The following SYNE1 variants were observed in gnomAD, a reference collection of about 807,000 sequenced individuals.
The protein encoded by SYNE1 is spectrin repeat containing nuclear envelope protein 1.
SYNE1 carries 616 observed loss-of-function variants against 1,111.0 expected under a neutral mutation model. The ratio of observed to expected loss-of-function variants is 0.55; its 90% CI spans 0.52 to 0.59. SYNE1 has a LOEUF of 0.59. SYNE1 is among the 20% of genes least tolerant of loss of function. The probability of loss-of-function intolerance (pLI) is 0.00; values close to 1 mark genes in which losing one functional copy is unlikely to be tolerated. For missense variants in SYNE1, 10,006 were observed against 10,417.0 expected (o/e 0.96, Z 1.72); for synonymous variants, 3,855 against 3,825.8 (o/e 1.01, Z -0.28).
At chr6:152,500,960 A>G (rs546730327) in intron 10 of SYNE1, among the ~76,000 whole-genome samples, 1 of 151,912 alleles carries the variant, frequency 6.6e-6, no homozygotes, top group South Asian at 2.1e-4. Flanking sequence ...CAAAAAAAAA[A>G]AAAAAAAGAA....
chr6:152,447,728 A>G, intron 28 of SYNE1, 106 bp from the exon 29 acceptor site: 1 of 1,334,346 alleles, frequency 7.5e-7, no homozygotes, highest in Non-Finnish European at 1.1e-6. Flanking sequence ...AGCAGAATAG[A>G]GCCAGACATC....
chr6:152,360,504 A>G (rs1417551355), intron 64 of SYNE1, among the ~76,000 whole-genome samples: 3 of 152,162 alleles, frequency 2.0e-5, no homozygotes, highest in Admixed American at 6.5e-5. Context: ...AACAAGCTGT[A>G]TGAGCCTTTT....
In SYNE1 at chr6:152,367,333, G is replaced by A. The variant is rs770774159; in HGVS notation, c.9857C>T (p.Ser3286Phe). 10 of 1,614,052 alleles carry A rather than the reference G, an allele frequency of 6.2e-6. No individual in the cohort carries two copies. Among genetic ancestry groups the A allele is most frequent in the Middle Eastern group, 3.3e-4 (2 of 6,084 alleles). ...GTCTTGTAATTCTTTAATCCCAAGA[G>A]AGAACTGATTGTGTTCTGCAACGAT... ...DRIVAEHNQF[S>F]LGIKELQDWM... is the part of the protein sequence containing the mutation. Residue 3286 changes from serine to phenylalanine, a missense_variant, in exon 62 of 146, where the codon TCT becomes TTT. Physicochemically the swap from Ser to Phe is radical, Grantham distance 155. Coordinates refer to ENST00000367255, the MANE Select transcript of SYNE1 (RefSeq NM_182961.4).
At position 152,236,141 on chromosome 6, in the gene SYNE1, G is replaced by C; in HGVS notation, c.20362C>G (p.His6788Asp). 6.2e-7 allele frequency: 1 copy of C among 1,614,172 alleles called. No homozygotes were observed. The highest frequency in any genetic ancestry group is 1.1e-5 in the South Asian group (1 of 91,086). Residue 6788 changes from histidine to aspartate, a missense_variant, in exon 110 of 146, where the codon CAC (histidine) becomes GAC (aspartate). His to Asp is a moderately conservative substitution (Grantham distance 81, BLOSUM62 -1). Transcript: ENST00000367255. The stretch of plus-strand genomic sequence containing the variant: ...TGTTTCAATATTGTTTCCAGTCTGT[G>C]AAGTTCCTTAGACATTTTATTGGTG... Reference protein sequence around the residue: ...SNTNKMSKELHRLETILKHWT... With the variant: ...SNTNKMSKELDRLETILKHWT...
intron 5 of SYNE1, among the ~76,000 whole-genome samples, chr6:152,521,161 T>A (rs1408074451): frequency 6.6e-6 from 1 of 152,238 alleles, no homozygotes; most frequent in African/African-American, 2.4e-5. Context: ...ATTTGAGACC[T>A]ACTTTTCCAC....
In SYNE1 at chr6:152,321,239, TGATCTCGGATCTTTA is replaced by T. The variant is rs751123645; in HGVS notation, c.16220_16234del (p.Leu5407_Asp5411del). ...ACTCTTTCTTGATCATAGGTTTACC[TGATCTCGGATCTTTA>T]GATCTAACGCCACTTCAGCCAACTG... On this transcript the variant is annotated inframe_deletion and splice_region_variant, in exon 84 of 146. Coordinates refer to ENST00000367255, the MANE Select transcript of SYNE1 (RefSeq NM_182961.4). The T allele has an allele frequency of 6.2e-7, 1 of 1,613,762 alleles. No homozygotes were observed. Among genetic ancestry groups the T allele is most frequent in the Non-Finnish European group, 8.5e-7 (1 of 1,179,848 alleles).
chr6:152,385,499 TAA>T (rs2097512583), intron 55 of SYNE1, among the ~76,000 whole-genome samples, 173 bp downstream of exon 55: 1 of 152,214 alleles, frequency 6.6e-6, no homozygotes, highest in Admixed American at 6.5e-5. Context: ...CTCATAAGTG[TAA>T]AGTCTTTTGA....
At chr6:152,424,397 T>C (rs892706813) in intron 39 of SYNE1, among the ~76,000 whole-genome samples, 7 of 152,242 alleles carry the variant, frequency 4.6e-5, no homozygotes, top group Non-Finnish European at 1.0e-4. Flanking sequence ...CTCTAAGGGA[T>C]AGGCAAAGGG....
rs180865575 is a variant in SYNE1, at chr6:152,567,599, T to A, written c.68-27578A>T. ...GAACAGAGTATTTTTTCAACTGCCA[T>A]GATGTCTCCAGCCTGAAACTCTCCT... On this transcript the variant is annotated intron_variant, in intron 3 of 145. Coordinates refer to ENST00000367255, the MANE Select transcript of SYNE1 (RefSeq NM_182961.4). 3.3e-5 allele frequency among the ~76,000 whole-genome samples: 5 copies of A among 152,316 alleles called. No homozygotes were observed. The East Asian group carries it at 9.6e-4, about 29-fold the overall frequency.
intron 73 of SYNE1, 101 bp downstream of exon 73, chr6:152,346,958 T>C: frequency 2.1e-6 from 3 of 1,432,146 alleles, no homozygotes; most frequent in Non-Finnish European, 2.9e-6. Context: ...CCAAAACGAA[T>C]CCAAAGATTT....
chr6:152,167,783 T>C (rs375410168), intron 130 of SYNE1: 31 of 569,150 alleles, frequency 5.4e-5, no homozygotes, highest in South Asian at 4.3e-4. Flanking sequence ...ACTAACTGAG[T>C]CTTTTTCTGG....
At chr6:152,343,641 G>A (rs540141017) in intron 74 of SYNE1, among the ~76,000 whole-genome samples, 2 of 151,976 alleles carry the variant, frequency 1.3e-5, no homozygotes, top group Non-Finnish European at 2.9e-5. Context: ...CGATTCTCCT[G>A]CCTCAGCCTC....
rs979766336 is a variant in SYNE1 at position 152,154,812 on chromosome 6, G to C, written c.24129+80C>G. The stretch of plus-strand genomic sequence containing the variant: ...GCAGATAACATGTGGTGAACAGCTA[G>C]TTTAGGTCTTGGAACTCCAACTACC... On this transcript the variant is annotated intron_variant, in intron 133 of 145. Coordinates refer to ENST00000367255, the MANE Select transcript of SYNE1 (RefSeq NM_182961.4). 13 of 1,524,268 alleles carry C rather than the reference G, an allele frequency of 8.5e-6. No homozygotes were observed. The Admixed American group carries it at 1.3e-4, about 16-fold the overall frequency. The allele number at this position is 1,524,268 out of a possible 1,614,324, so 94.4% of individuals were successfully genotyped here.
chr6:152,171,106 A>G (rs1220382404), intron 130 of SYNE1, among the ~76,000 whole-genome samples: 1 of 152,192 alleles, frequency 6.6e-6, no homozygotes, highest in Non-Finnish European at 1.5e-5. Flanking sequence ...TTTCTTTATA[A>G]ATCACCCAGT....
chr6:152,427,831 G>A lies in SYNE1; in HGVS notation c.4977-15C>T, dbSNP rs755390838. The A allele has an allele frequency of 1.9e-6, 3 of 1,613,784 alleles. No individual in the cohort carries two copies. Among genetic ancestry groups the A allele is most frequent in the African/African-American group, 1.3e-5 (1 of 74,882 alleles). ...CTTTCTCTAGCCTAAAGGAAGCAGA[G>A]AGCAGAAACAAATTTATTGAAAATT... On this transcript the variant is annotated splice_polypyrimidine_tract_variant and intron_variant, in intron 37 of 145. Coordinates refer to ENST00000367255, the MANE Select transcript of SYNE1 (RefSeq NM_182961.4).
chr6:152,278,129 T>G lies in SYNE1; in HGVS notation c.18533A>C (p.Glu6178Ala). The G allele has an allele frequency of 2.5e-6, 4 of 1,614,096 alleles. No homozygotes were observed. The highest frequency in any genetic ancestry group is 3.4e-6 in the Non-Finnish European group (4 of 1,180,036). Residue 6178 changes from glutamate (E) to alanine (A), a missense_variant, in exon 98 of 146, where the codon GAG becomes GCG. Around this residue, in one of 7 missense-constraint regions of SYNE1, gnomAD observed 2,182 missense variants for 2,287.8 expected, o/e 0.95. Coordinates refer to ENST00000367255, the MANE Select transcript of SYNE1 (RefSeq NM_182961.4). ...CTTATCATGCAGGGCTCTCTGCAGC[T>G]CCAGCAGGCTCCCCTTGAGCCTTCT... ...KLRRLKGSLL[E>A]LQRALHDKQL...
intron 128 of SYNE1, among the ~76,000 whole-genome samples, chr6:152,180,945 G>C (rs142780789): frequency 6.8e-6 from 1 of 147,730 alleles, no homozygotes; most frequent in Non-Finnish European, 1.5e-5. Flanking sequence ...TTTTTTTTTC[G>C]CATGACAGAT....
Position 152,330,621 on chromosome 6 carries a change from A to G in SYNE1, c.14064T>C (p.Ser4688=). The G allele has an allele frequency of 1.2e-6, 2 of 1,613,598 alleles. No individual in the cohort carries two copies. The change falls in exon 78 of 146, where the codon AGT becomes AGC. Residue 4688 remains serine (S), a synonymous_variant. Transcript: ENST00000367255. ...TCCTCAAGAATTGGGCTTCAAGTTCACTCAGAGACTGGGTTGTCAACTCAA... is the reference window on the plus strand; with the variant it reads ...TCCTCAAGAATTGGGCTTCAAGTTCGCTCAGAGACTGGGTTGTCAACTCAA... ...SLIELTTQSL[S]ELEAQFLRMS...
intron 3 of SYNE1, among the ~76,000 whole-genome samples, chr6:152,574,177 C>T (rs1420480786): frequency 1.4e-5 from 2 of 139,554 alleles, no homozygotes; most frequent in African/African-American, 5.5e-5. Context: ...TATATACACA[C>T]ATATATATAT....
Sources: allele counts gnomAD v4.1 joint callset (sites outside exome capture counted in the v4.1 genomes callset), GRCh38; gene constraint gnomAD v4.1.1; regional missense constraint gnomAD v4.1.1; transcripts MANE v1.5; gene names NCBI Gene and HGNC (gene_info 2026-07-23, HGNC 2026-07-21).